The following STK3 variants were observed in gnomAD, a reference collection of about 807,000 sequenced individuals.
STK3 encodes serine/threonine kinase 3, also known as serine/threonine-protein kinase 3.
In STK3, 41 loss-of-function variants were observed where a neutral mutation model predicts 58.0. The ratio of observed to expected loss-of-function variants is 0.71; its 90% confidence interval spans 0.55 to 0.92. The LOEUF is 0.92. Among genes scored for constraint, STK3 ranks in the 40% least tolerant of loss-of-function variants. The pLI is 0.00. For missense variants in STK3, 479 were observed against 602.7 expected (o/e 0.79, Z 2.15); for synonymous variants, 170 against 191.0 (o/e 0.89, Z 0.91).
chr8:98,636,346 A>G (rs923695262), intron 6 of STK3, among the ~76,000 whole-genome samples: 4 of 152,206 alleles, frequency 2.6e-5, no homozygotes, highest in Non-Finnish European at 5.9e-5. Flanking sequence ...TAGATACTAG[A>G]TTTTTCTAAG....
downstream of STK3, chr8:98,882,987 G>A (rs577795196): frequency 6.6e-6 from 1 of 152,316 alleles, no homozygotes; most frequent in South Asian, 2.1e-4. Context: ...TGTCCTAGGA[G>A]TTCTCATACC....
At chr8:98,664,816 C>A in intron 6 of STK3, among the ~76,000 whole-genome samples, 1 of 152,054 alleles carries the variant, frequency 6.6e-6, no homozygotes, top group African/African-American at 2.4e-5. Context: ...AGGAGAATTG[C>A]TTGAACCCGG....
intron 8 of STK3, among the ~76,000 whole-genome samples, chr8:98,576,788 T>C (rs1473674403): frequency 6.6e-6 from 1 of 152,198 alleles, no homozygotes; most frequent in Non-Finnish European, 1.5e-5. Flanking sequence ...TTTAGATGGT[T>C]GACAGATAAC....
intron 1 of STK3, among the ~76,000 whole-genome samples, chr8:98,932,730 A>G (rs1171473827): frequency 6.6e-6 from 1 of 152,192 alleles, no homozygotes; most frequent in Non-Finnish European, 1.5e-5. Flanking sequence ...GGTGAGGCCA[A>G]TGCTCCTGGT....
chr8:98,435,563 G>A (rs1293829853), intron 2 of STK3, among the ~76,000 whole-genome samples: 1 of 152,026 alleles, frequency 6.6e-6, no homozygotes, highest in Admixed American at 6.5e-5. Flanking sequence ...GATACAAAGG[G>A]AGTGGGGTGG....
intron 1 of STK3, among the ~76,000 whole-genome samples, chr8:98,784,567 C>G (rs1230651623): frequency 6.6e-6 from 1 of 151,904 alleles, no homozygotes; most frequent in Non-Finnish European, 1.5e-5. Flanking sequence ...GCAGGCTGAA[C>G]CACCTCACCC....
chr8:98,863,957 G>T (rs1837028771), intron 3 of STK3, among the ~76,000 whole-genome samples: 1 of 152,070 alleles, frequency 6.6e-6, no homozygotes, highest in Admixed American at 6.6e-5. Flanking sequence ...AGCACTTTGG[G>T]AGGCCGAGGC....
At chr8:98,623,829 G>A (rs1295149324) in intron 6 of STK3, among the ~76,000 whole-genome samples, 2 of 152,160 alleles carry the variant, frequency 1.3e-5, no homozygotes, top group Admixed American at 1.3e-4. Context: ...ACACAGAGAA[G>A]GCAGCCATCT....
rs369096515 is a variant in STK3, at chr8:98,402,560, G to A, written n.484-1047C>T. 2.6e-5 allele frequency among the ~76,000 whole-genome samples: 4 copies of A among 152,140 alleles called. No individual in the cohort carries two copies. In the East Asian group the frequency reaches 7.7e-4, roughly 29 times the overall value. On this transcript the variant is annotated intron_variant and non_coding_transcript_variant, in intron 3 of 3. Transcript: ENST00000517832. ...CAGATAGGTGCTCTCCTCTGCCTCC[G>A]TGTCCCCTCCGGGACGGAGGGGGCC...
At chr8:98,352,035 G>T in the STK3 span, among the ~76,000 whole-genome samples, 5 of 151,722 alleles carry the variant, frequency 3.3e-5, no homozygotes, top group African/African-American at 1.2e-4. Flanking sequence ...TACCTGGGAG[G>T]CTGAGGCAGG....
rs570598519 is a variant in STK3, at chr8:98,768,380, A to G, written c.108-1009T>C. Among the ~76,000 whole-genome samples, 5 of 152,362 alleles carry G rather than the reference A, an allele frequency of 3.3e-5. No homozygotes were observed. In the South Asian group the frequency reaches 8.3e-4, roughly 25 times the overall value. On this transcript the variant is annotated intron_variant, in intron 2 of 10. Coordinates refer to ENST00000419617, the MANE Select transcript of STK3 (RefSeq NM_006281.4). ...GTTTCCTAATATTAGAAATCTATGC[A>G]GAAGCCCTTCCAAATTTATAATCTT... is the stretch of plus-strand genomic sequence containing the variant.
At chr8:98,464,540 T>TAAAAAAAAAAAAAAAAAAAAAAAGA (rs1820280554) in intron 10 of STK3, among the ~76,000 whole-genome samples, 2 of 69,228 alleles carry the variant, frequency 2.9e-5, no homozygotes, top group African/African-American at 5.7e-5. Flanking sequence ...TACTTAAAGT[T>TAAAAAAAAAAAAAAAAAAAAAAAGA]AAAAAAAAAA....
chr8:98,459,936 T>C (rs1387407402), intron 10 of STK3, among the ~76,000 whole-genome samples: 1 of 152,064 alleles, frequency 6.6e-6, no homozygotes, highest in Non-Finnish European at 1.5e-5. Context: ...TAGGGCAGTG[T>C]GGAAGGGAAA....
At chr8:98,775,117 T>C (rs770815509) in intron 1 of STK3, among the ~76,000 whole-genome samples, 5 of 152,222 alleles carry the variant, frequency 3.3e-5, no homozygotes, top group African/African-American at 4.8e-5. Context: ...CACCCTTCTG[T>C]ATAAATATTG....
intron 10 of STK3, among the ~76,000 whole-genome samples, chr8:98,480,558 A>G (rs533506719): frequency 2.6e-5 from 4 of 152,328 alleles, no homozygotes; most frequent in East Asian, 1.9e-4. Context: ...CAAAAAAAAC[A>G]AGAACATTCA....
intron 6 of STK3, among the ~76,000 whole-genome samples, chr8:98,634,203 G>C (rs1447056771): frequency 2.0e-5 from 3 of 152,174 alleles, no homozygotes; most frequent in Non-Finnish European, 4.4e-5. Context: ...ATTAAAGGCA[G>C]AAGATTGGGC....
At chr8:98,446,343 C>A (rs1276088403) in intron 1 of STK3, among the ~76,000 whole-genome samples, 1 of 152,212 alleles carries the variant, frequency 6.6e-6, no homozygotes, top group African/African-American at 2.4e-5. Flanking sequence ...GTATTTCACA[C>A]TTAGCTTAGA....
intron 1 of STK3, among the ~76,000 whole-genome samples, chr8:98,893,214 C>T (rs903475270): frequency 1.3e-5 from 2 of 151,692 alleles, no homozygotes; most frequent in South Asian, 2.1e-4. Flanking sequence ...AATGATGAAA[C>T]CCTATCCCTA....
intron 10 of STK3, among the ~76,000 whole-genome samples, chr8:98,479,101 C>T (rs1821615002): frequency 6.6e-6 from 1 of 152,132 alleles, no homozygotes; most frequent in Admixed American, 6.5e-5. Context: ...CCCTTGGCAG[C>T]TCTCACTCCA....
Sources: gnomAD v4.1 joint callset for allele counts (sites outside exome capture counted in the v4.1 genomes callset) on GRCh38, gnomAD v4.1.1 for gene constraint, MANE v1.5 for transcripts, NCBI Gene and HGNC (gene_info 2026-07-23, HGNC 2026-07-21) for gene names.